ZNF292: variants seen among roughly 807,000 people sequenced by gnomAD.
ZNF292 encodes zinc finger protein 292, also known as 16 zinc-finger domain protein.
ZNF292 carries 26 observed loss-of-function variants against 217.9 expected under a neutral mutation model. That is an observed-to-expected ratio of 0.12 (90% CI 0.09 to 0.17). ZNF292 has a LOEUF of 0.17. Ranked by LOEUF, ZNF292 falls within the 10% of genes least tolerant of loss-of-function variation. ZNF292 has a pLI of 1.00. For missense variants in ZNF292, 2,904 were observed against 3,175.2 expected (o/e 0.91, Z 2.05); for synonymous variants, 1,257 against 1,124.1 (o/e 1.12, Z -2.37).
chr6:87,231,130 A>G (rs1027617861), intron 4 of ZNF292, among the ~76,000 whole-genome samples: 3 of 152,160 alleles, frequency 2.0e-5, no homozygotes, highest in African/African-American at 7.2e-5. Flanking sequence ...GAAGTGGGAA[A>G]AAAAAGTAGT....
chr6:87,170,345 A>G (rs1030651566), intron 1 of ZNF292: 46 of 152,210 alleles, frequency 3.0e-4, no homozygotes, highest in African/African-American at 1.1e-3. Context: ...GACATTGTCA[A>G]TAAAATTTAT....
intron 7 of ZNF292, chr6:87,249,271 T>C: frequency 3.7e-6 from 1 of 273,104 alleles, no homozygotes; most frequent in Non-Finnish European, 7.7e-6. Flanking sequence ...GGACTACAGG[T>C]GTGTACCATC....
At chr6:87,186,623 A>T (rs1771665007) in intron 1 of ZNF292, among the ~76,000 whole-genome samples, 1 of 152,214 alleles carries the variant, frequency 6.6e-6, no homozygotes, top group South Asian at 2.1e-4. Flanking sequence ...TCATGCCTGT[A>T]ATCCCAGCAT....
At position 87,255,564 on chromosome 6, in the gene ZNF292, T is replaced by G. The variant is rs1775164011; in HGVS notation, c.1935T>G (p.Phe645Leu). Reference protein sequence around the residue: ...IKKNSLYSTDFIVFNDNDGSD... With the variant: ...IKKNSLYSTDLIVFNDNDGSD... ...AGAATAGTCTCTATTCAACAGATTTTATAGTGTTTAATGACAATGATGGTT... is the reference window on the plus strand; with the variant it reads ...AGAATAGTCTCTATTCAACAGATTTGATAGTGTTTAATGACAATGATGGTT... The change falls in exon 8 of 8, where the codon TTT (phenylalanine) becomes TTG (leucine). Residue 645 changes from phenylalanine (F) to leucine (L), a missense_variant. This residue lies in a region of ZNF292 where 216 missense variants were observed against 308.3 expected (regional missense o/e 0.70). Transcript: ENST00000369577. The G allele has an allele frequency of 6.2e-7, 1 of 1,610,802 alleles. No homozygotes were observed. Among genetic ancestry groups the G allele is most frequent in the Admixed American group, 1.7e-5 (1 of 59,404 alleles).
chr6:87,185,412 C>T (rs1421350284), intron 1 of ZNF292, among the ~76,000 whole-genome samples: 13 of 152,172 alleles, frequency 8.5e-5, no homozygotes, highest in Non-Finnish European at 1.5e-5. Context: ...TTACCGGTGT[C>T]ACAATTTAAT....
chr6:87,200,947 C>T (rs9450632), intron 1 of ZNF292, among the ~76,000 whole-genome samples: 17,449 of 152,120 alleles, frequency 0.11, 1,082 homozygotes, highest in Middle Eastern at 0.16. Flanking sequence ...GGGCCGTTTG[C>T]CAGGGATGGT....
chr6:87,232,339 G>T (rs1773696976), intron 4 of ZNF292, among the ~76,000 whole-genome samples: 2 of 152,102 alleles, frequency 1.3e-5, no homozygotes, highest in Non-Finnish European at 2.9e-5. Context: ...CTCATTTTCT[G>T]TATTCTAACC....
At chr6:87,195,525 A>G (rs959508206) in intron 1 of ZNF292, among the ~76,000 whole-genome samples, 5 of 152,224 alleles carry the variant, frequency 3.3e-5, no homozygotes, top group Non-Finnish European at 5.9e-5. Flanking sequence ...TGTTGCAGAA[A>G]TGATGAGAGC....
At chr6:87,240,153 C>T (rs1440409628) in intron 5 of ZNF292, among the ~76,000 whole-genome samples, 2 of 152,188 alleles carry the variant, frequency 1.3e-5, no homozygotes, top group African/African-American at 4.8e-5. Context: ...AGCTGGAGAC[C>T]AGCCCGGCCA....
Position 87,218,592 on chromosome 6 carries a change from A to G in ZNF292, c.403-4A>G. 1 of 1,536,574 alleles carries G rather than the reference A, an allele frequency of 6.5e-7. No individual in the cohort carries two copies. The highest frequency in any genetic ancestry group is 8.7e-7 in the Non-Finnish European group (1 of 1,143,964). ...TTCTTTGGATGTTTATTTAATATTTATAGGTAGCTCATGAAAAGCTGATGG... is the reference window on the plus strand; with the variant it reads ...TTCTTTGGATGTTTATTTAATATTTGTAGGTAGCTCATGAAAAGCTGATGG... On this transcript the variant is annotated splice_region_variant and splice_polypyrimidine_tract_variant and intron_variant, in intron 3 of 7. Transcript: ENST00000369577.
intron 1 of ZNF292, among the ~76,000 whole-genome samples, chr6:87,195,707 T>G (rs1259841403): frequency 6.6e-6 from 1 of 152,098 alleles, no homozygotes; most frequent in Admixed American, 6.6e-5. Context: ...ATATTTAAAA[T>G]TATCTAAAAA....
intron 1 of ZNF292, among the ~76,000 whole-genome samples, chr6:87,165,002 A>G (rs1770869730): frequency 6.7e-6 from 1 of 149,828 alleles, no homozygotes; most frequent in South Asian, 2.1e-4. Context: ...TGACCTCTTG[A>G]TCCGCCCGCC....
chr6:87,193,240 C>G (rs1314419278), intron 1 of ZNF292, among the ~76,000 whole-genome samples: 3 of 152,100 alleles, frequency 2.0e-5, no homozygotes, highest in Non-Finnish European at 2.9e-5. Flanking sequence ...GGAAAACGTA[C>G]CTGAGCTTAT....
At position 87,219,829 on chromosome 6, in the gene ZNF292, T is replaced by G. The variant is rs376334685; in HGVS notation, c.538+1098T>G. 4.6e-3 allele frequency among the ~76,000 whole-genome samples: 701 copies of G among 152,288 alleles called. 5 individuals are homozygous for G. The highest frequency in any genetic ancestry group is 0.015 in the South Asian group (73 of 4,824). ...TCATTACTTAATAATAGTAATTTAT[T>G]TATTTACTTATTTATTGAGACAGAG... On this transcript the variant is annotated intron_variant, in intron 4 of 7. Coordinates refer to ENST00000369577, the MANE Select transcript of ZNF292 (RefSeq NM_015021.3).
chr6:87,265,105 CTCTT>C lies in ZNF292; in HGVS notation c.*3306_*3309del, dbSNP rs1775769122. 6.8e-6 allele frequency among the ~76,000 whole-genome samples: 1 copy of C among 147,252 alleles called. No individual in the cohort carries two copies. Among genetic ancestry groups the C allele is most frequent in the South Asian group, 2.1e-4 (1 of 4,764 alleles). On this transcript the variant is annotated 3_prime_UTR_variant, in exon 8 of 8. Coordinates refer to ENST00000369577, the MANE Select transcript of ZNF292 (RefSeq NM_015021.3). ...GTGCTGTAGTTCTCTCTCTCTCTCT[CTCTT>C]TTTTTTTCTTTGTTTTTTTTGGAGA... is the stretch of plus-strand genomic sequence containing the variant.
In ZNF292 at chr6:87,229,426, T is replaced by C. The variant is rs116829566; in HGVS notation, c.539-3899T>C. Reference sequence around the variant, plus strand: ...TTGCCTAATTGCTGAATTGTTTCTTTCTTTCTTTTCTTTTTTGAGACGGAG... The same window carrying C: ...TTGCCTAATTGCTGAATTGTTTCTTCCTTTCTTTTCTTTTTTGAGACGGAG... On this transcript the variant is annotated intron_variant, in intron 4 of 7. Transcript: ENST00000369577. Among the ~76,000 whole-genome samples the C allele has an allele frequency of 6.9e-3, 1,056 of 152,302 alleles. 16 individuals carry two copies. The highest frequency in any genetic ancestry group is 0.023 in the African/African-American group (957 of 41,570).
intron 5 of ZNF292, among the ~76,000 whole-genome samples, chr6:87,240,497 G>A (rs573604620): frequency 6.6e-6 from 1 of 152,058 alleles, no homozygotes; most frequent in Non-Finnish European, 1.5e-5. Flanking sequence ...ATCTCAGCTC[G>A]CTGCAACCTC....
chr6:87,232,791 T>C (rs1201674590), intron 4 of ZNF292, among the ~76,000 whole-genome samples: 1 of 152,104 alleles, frequency 6.6e-6, no homozygotes, highest in Non-Finnish European at 1.5e-5. Flanking sequence ...TCTGTAGATA[T>C]TTTGATTCAT....
rs777114553 is a variant in ZNF292, at chr6:87,257,584, G to C, written c.3955G>C (p.Val1319Leu). The C allele has an allele frequency of 4.4e-6, 7 of 1,606,286 alleles. No individual in the cohort carries two copies. In the African/African-American group the frequency reaches 5.3e-5, roughly 12 times the overall value. ...FLKGGNGENAVFPSQVNVANN... is the reference protein window; with the variant it reads ...FLKGGNGENALFPSQVNVANN... ...AAAGGGGGGTAATGGTGAAAATGCA[G>C]TTTTTCCTTCACAAGTGAATGTTGC... The change falls in exon 8 of 8, where the codon GTT becomes CTT. Residue 1319 changes from valine (V) to leucine (L), a missense_variant. Transcript: ENST00000369577.
Sources: allele counts gnomAD v4.1 joint callset (sites outside exome capture counted in the v4.1 genomes callset), GRCh38; gene constraint gnomAD v4.1.1; regional missense constraint gnomAD v4.1.1; transcripts MANE v1.5; gene names NCBI Gene and HGNC (gene_info 2026-07-23, HGNC 2026-07-21).